The following DUSP28 variants were observed in gnomAD, a reference collection of about 807,000 sequenced individuals.
DUSP28 encodes the protein dual specificity phosphatase 28.
In DUSP28, 11 loss-of-function variants were observed where a neutral mutation model predicts 8.4. The ratio of observed to expected loss-of-function variants is 1.31; its 90% CI spans 0.83 to 2.17. The LOEUF is 2.17. Among genes scored for constraint, DUSP28 ranks in the 30% most tolerant of loss-of-function variants. DUSP28 has a pLI of 0.00. For missense variants in DUSP28, 373 were observed against 270.4 expected (o/e 1.38, Z -2.66); for synonymous variants, 178 against 130.9 (o/e 1.36, Z -2.46).
chr2:240,561,360 C>G lies in DUSP28; in HGVS notation c.424C>G (p.Pro142Ala). Residue 142 changes from proline (P) to alanine (A), a missense_variant, in exon 2 of 2, where the codon CCG (proline) becomes GCG (alanine). Physicochemically the swap from Pro to Ala is conservative, Grantham distance 27. Coordinates refer to ENST00000405954, the MANE Select transcript of DUSP28 (RefSeq NM_001370465.2). ...GAAGAGCGCTCGCCCGGTAGCAGAA[C>G]CGAACCCGGGCTTCTGGTCTCAGCT... is the stretch of plus-strand genomic sequence containing the variant. ...MVKSARPVAE[P>A]NPGFWSQLQK... The G allele has an allele frequency of 5.6e-6, 9 of 1,613,880 alleles. No individual in the cohort carries two copies. The highest frequency in any genetic ancestry group is 7.6e-6 in the Non-Finnish European group (9 of 1,180,038).
In DUSP28 at chr2:240,560,390, G is replaced by A. The variant is rs745629630; in HGVS notation, c.-295G>A. 1 of 276,668 alleles carries A rather than the reference G, an allele frequency of 3.6e-6. No homozygotes were observed. The highest frequency in any genetic ancestry group is 5.4e-5 in the Admixed American group (1 of 18,502). 17.1% of individuals were successfully genotyped at this position (276,668 alleles called of 1,614,324 possible). Reference sequence around the variant, plus strand: ...AAGCCCAGTGCCACAGGCCGCGGGGGCGGGGAGGACGGCGCCCGGGGACAG... The same window carrying A: ...AAGCCCAGTGCCACAGGCCGCGGGGACGGGGAGGACGGCGCCCGGGGACAG... On this transcript the variant is annotated 5_prime_UTR_variant, in exon 1 of 2. Coordinates refer to ENST00000405954, the MANE Select transcript of DUSP28 (RefSeq NM_001370465.2).
Position 240,563,448 on chromosome 2 carries a change from C to G in DUSP28, c.*1981C>G, listed in dbSNP as rs889671067. ...CAATCTCCTGACCTCATGATCCTCCCGCCTCGGCCTCCCAAAGCGCTGGGA... is the reference window on the plus strand; with the variant it reads ...CAATCTCCTGACCTCATGATCCTCCGGCCTCGGCCTCCCAAAGCGCTGGGA... On this transcript the variant is annotated 3_prime_UTR_variant, in exon 2 of 2. Transcript: ENST00000405954. 13 of 152,298 alleles carry G rather than the reference C, an allele frequency of 8.5e-5. No individual in the cohort carries two copies. Among genetic ancestry groups the G allele is most frequent in the African/African-American group, 3.1e-4 (13 of 41,428 alleles). 9.4% of individuals were successfully genotyped at this position (152,298 alleles called of 1,614,324 possible). A position where few individuals can be genotyped will look rare whatever the true frequency, so the allele number is the denominator to read the frequency against.
In DUSP28 at chr2:240,560,830, T is replaced by A. The variant is rs1466629159; in HGVS notation, c.146T>A (p.Val49Asp). The change falls in exon 1 of 2, where the codon GTC becomes GAC. Residue 49 changes from valine (V) to aspartate (D), a missense_variant. By Grantham distance (152) the Val-to-Asp change is radical (BLOSUM62 -3). Coordinates refer to ENST00000405954, the MANE Select transcript of DUSP28 (RefSeq NM_001370465.2). ...QLARAGVTLCVNVSRQQPGPR... is the reference protein window; with the variant it reads ...QLARAGVTLCDNVSRQQPGPR... Reference sequence around the variant, plus strand: ...GCGCGCGCGGGAGTCACGCTGTGCGTCAACGTCTCCCGCCAGCAGCCCGGC... The same window carrying A: ...GCGCGCGCGGGAGTCACGCTGTGCGACAACGTCTCCCGCCAGCAGCCCGGC... The A allele has an allele frequency of 2.0e-5, 28 of 1,417,046 alleles. No homozygotes were observed. The highest frequency in any genetic ancestry group is 2.5e-4 in the Middle Eastern group (1 of 4,046). 87.8% of individuals were successfully genotyped at this position (1,417,046 alleles called of 1,614,324 possible). A position where few individuals can be genotyped will look rare whatever the true frequency, so the allele number is the denominator to read the frequency against.
Position 240,561,591 on chromosome 2 carries a change from C to G in DUSP28, c.*124C>G. 2 of 1,254,754 alleles carry G rather than the reference C, an allele frequency of 1.6e-6. No homozygotes were observed. Among genetic ancestry groups the G allele is most frequent in the Non-Finnish European group, 2.1e-6 (2 of 954,458 alleles). The allele number at this position is 1,254,754 out of a possible 1,614,324, so 77.7% of individuals were successfully genotyped here. On this transcript the variant is annotated 3_prime_UTR_variant, in exon 2 of 2. Coordinates refer to ENST00000405954, the MANE Select transcript of DUSP28 (RefSeq NM_001370465.2). ...GTGTGTGTGTGTGTGAAACATAGTG[C>G]TTTTAATTTTATATTTCCGGCTGAG...
At position 240,561,077 on chromosome 2, in the gene DUSP28, G is replaced by T; in HGVS notation, c.393G>T (p.Gln131His). Residue 131 changes from glutamine (Q) to histidine (H), a missense_variant and splice_region_variant, in exon 1 of 2, where the codon CAG becomes CAT. Transcript: ENST00000405954. ...HRGLSLAKAF[Q>H]MVKSARPVAE... Reference sequence around the variant, plus strand: ...GCCTCAGCCTGGCGAAGGCCTTCCAGGTGGGCGGGCCTTTAGGGGGGCGGT... The same window carrying T: ...GCCTCAGCCTGGCGAAGGCCTTCCATGTGGGCGGGCCTTTAGGGGGGCGGT... 2 of 1,484,614 alleles carry T rather than the reference G, an allele frequency of 1.3e-6. No homozygotes were observed. Among genetic ancestry groups the T allele is most frequent in the Non-Finnish European group, 1.8e-6 (2 of 1,127,068 alleles). The allele number at this position is 1,484,614 out of a possible 1,614,324, so 92.0% of individuals were successfully genotyped here. A position where few individuals can be genotyped will look rare whatever the true frequency, so the allele number is the denominator to read the frequency against.
chr2:240,563,561 G>T lies in DUSP28; in HGVS notation c.*2094G>T, dbSNP rs147949603. On this transcript the variant is annotated 3_prime_UTR_variant, in exon 2 of 2. Coordinates refer to ENST00000405954, the MANE Select transcript of DUSP28 (RefSeq NM_001370465.2). Reference sequence around the variant, plus strand: ...AACAAGACCCAGTCAGGCCCTATTGGAACAGGGCTTTTACCACCTAGGCGG... The same window carrying T: ...AACAAGACCCAGTCAGGCCCTATTGTAACAGGGCTTTTACCACCTAGGCGG... 1 of 152,498 alleles carries T rather than the reference G, an allele frequency of 6.6e-6. No individual in the cohort carries two copies. The highest frequency in any genetic ancestry group is 1.5e-5 in the Non-Finnish European group (1 of 68,054). The allele number at this position is 152,498 out of a possible 1,614,324, so 9.4% of individuals were successfully genotyped here.
chr2:240,560,517 C>G lies in DUSP28; in HGVS notation c.-168C>G. 1 of 1,082,572 alleles carries G rather than the reference C, an allele frequency of 9.2e-7. No homozygotes were observed. Among genetic ancestry groups the G allele is most frequent in the East Asian group, 3.3e-5 (1 of 30,488 alleles). 67.1% of individuals were successfully genotyped at this position (1,082,572 alleles called of 1,614,324 possible). ...ACGAGACCCAAGCCCCCTGTCCCGG[C>G]CCAGCGCCCGCGGGGGACCCAAGCC... On this transcript the variant is annotated 5_prime_UTR_variant, in exon 1 of 2. Coordinates refer to ENST00000405954, the MANE Select transcript of DUSP28 (RefSeq NM_001370465.2).
At chr2:240,561,151 G>A (rs1472427685) in intron 1 of DUSP28, 74 bp downstream of exon 1, 19 of 1,461,636 alleles carry the variant, frequency 1.3e-5, no homozygotes, top group Non-Finnish European at 1.6e-5. Context: ...GGGCGGGGCC[G>A]GCTTCGGGAT....
rs772084662 is a variant in DUSP28, at chr2:240,561,660, G to C, written c.*193G>C. The stretch of plus-strand genomic sequence containing the variant: ...TACAGACACAAAAAGAAATACATTT[G>C]GTAAAACATCGAAGACAAATTAAGA... On this transcript the variant is annotated 3_prime_UTR_variant, in exon 2 of 2. Transcript: ENST00000405954. 62 of 792,642 alleles carry C rather than the reference G, an allele frequency of 7.8e-5. No homozygotes were observed. The highest frequency in any genetic ancestry group is 1.1e-4 in the Non-Finnish European group (61 of 537,254). 49.1% of individuals were successfully genotyped at this position (792,642 alleles called of 1,614,324 possible). A position where few individuals can be genotyped will look rare whatever the true frequency, so the allele number is the denominator to read the frequency against.
Position 240,561,022 on chromosome 2 carries a change from TCTGCACCGCGTACCTCATG to T in DUSP28, c.340_358del (p.Cys114GlyfsTer14). 6.5e-7 allele frequency: 1 copy of T among 1,537,024 alleles called. No individual in the cohort carries two copies. ...AACGGCCGCAGCCGCTCGGCCGCCG[TCTGCACCGCGTACCTCATG>T]CGGCACCGCGGCCTCAGCCTGGCGA... On this transcript the variant is annotated frameshift_variant, in exon 1 of 2. Transcript: ENST00000405954. LOFTEE classifies it high-confidence loss of function.
In DUSP28 at chr2:240,560,859, C is replaced by G; in HGVS notation, c.175C>G (p.Arg59Gly). The G allele has an allele frequency of 7.4e-7, 1 of 1,348,288 alleles. No individual in the cohort carries two copies. The highest frequency in any genetic ancestry group is 9.6e-7 in the Non-Finnish European group (1 of 1,043,450). The allele number at this position is 1,348,288 out of a possible 1,614,324, so 83.5% of individuals were successfully genotyped here. A position where few individuals can be genotyped will look rare whatever the true frequency, so the allele number is the denominator to read the frequency against. ...VNVSRQQPGP[R>G]APGVAELRVP... ...CGTCTCCCGCCAGCAGCCCGGCCCG[C>G]GCGCGCCCGGCGTGGCAGAGCTGCG... is the stretch of plus-strand genomic sequence containing the variant. The change falls in exon 1 of 2, where the codon CGC (arginine) becomes GGC (glycine). Residue 59 changes from arginine (R) to glycine (G), a missense_variant. Physicochemically the swap from Arg to Gly is moderately radical, Grantham distance 125 (BLOSUM62 -2). Coordinates refer to ENST00000405954, the MANE Select transcript of DUSP28 (RefSeq NM_001370465.2).
chr2:240,560,731 C>T lies in DUSP28; in HGVS notation c.47C>T (p.Pro16Leu), dbSNP rs781777697. The change falls in exon 1 of 2, where the codon CCT becomes CTT. Residue 16 changes from proline (P) to leucine (L), a missense_variant. By Grantham distance (98) the Pro-to-Leu change is moderately conservative (BLOSUM62 -3). Coordinates refer to ENST00000405954, the MANE Select transcript of DUSP28 (RefSeq NM_001370465.2). ...CGCCGCGGGGCCGCCTCGCCCGTAC[C>T]TCCACCGTTGGTGCGCGTCGCGCCC... ...AGRRGAASPVPPPLVRVAPSL... is the reference protein window; with the variant it reads ...AGRRGAASPVLPPLVRVAPSL... 5 of 1,521,796 alleles carry T rather than the reference C, an allele frequency of 3.3e-6. No homozygotes were observed. Among genetic ancestry groups the T allele is most frequent in the Non-Finnish European group, 4.4e-6 (5 of 1,146,838 alleles). The allele number at this position is 1,521,796 out of a possible 1,614,324, so 94.3% of individuals were successfully genotyped here.
chr2:240,560,501 A>G lies in DUSP28; in HGVS notation c.-184A>G. 1 of 934,224 alleles carries G rather than the reference A, an allele frequency of 1.1e-6. No individual in the cohort carries two copies. Among genetic ancestry groups the G allele is most frequent in the South Asian group, 3.2e-5 (1 of 31,692 alleles). The allele number at this position is 934,224 out of a possible 1,614,324, so 57.9% of individuals were successfully genotyped here. A position where few individuals can be genotyped will look rare whatever the true frequency, so the allele number is the denominator to read the frequency against. ...CCATGCCCCGGCCCCAACGAGACCC[A>G]AGCCCCCTGTCCCGGCCCAGCGCCC... On this transcript the variant is annotated 5_prime_UTR_variant, in exon 1 of 2. Transcript: ENST00000405954.
At position 240,560,786 on chromosome 2, in the gene DUSP28, G is replaced by GGGCGCGGAGGAGCAGCT. The variant is rs2092918299; in HGVS notation, c.109_125dup (p.Ala43ArgfsTer64). The stretch of plus-strand genomic sequence containing the variant: ...TCTTCCTCGGGAGCGCGCGAGCCGC[G>GGGCGCGGAGGAGCAGCT]GGCGCGGAGGAGCAGCTGGCGCGCG... On this transcript the variant is annotated frameshift_variant, in exon 1 of 2. Coordinates refer to ENST00000405954, the MANE Select transcript of DUSP28 (RefSeq NM_001370465.2). LOFTEE classifies it high-confidence loss of function. 6.9e-6 allele frequency: 10 copies of GGGCGCGGAGGAGCAGCT among 1,457,452 alleles called. No homozygotes were observed. In the South Asian group the frequency reaches 1.2e-4, roughly 18 times the overall value. 90.3% of individuals were successfully genotyped at this position (1,457,452 alleles called of 1,614,324 possible). A position where few individuals can be genotyped will look rare whatever the true frequency, so the allele number is the denominator to read the frequency against.
In DUSP28 at chr2:240,561,897, T is replaced by C. The variant is rs2092968087; in HGVS notation, c.*430T>C. On this transcript the variant is annotated 3_prime_UTR_variant, in exon 2 of 2. Coordinates refer to ENST00000405954, the MANE Select transcript of DUSP28 (RefSeq NM_001370465.2). Reference sequence around the variant, plus strand: ...CTAGTTCTTCCTGCGTGACCACGGATGCTTCTGTTTGAGAAAATGCATACC... The same window carrying C: ...CTAGTTCTTCCTGCGTGACCACGGACGCTTCTGTTTGAGAAAATGCATACC... 1 of 155,648 alleles carries C rather than the reference T, an allele frequency of 6.4e-6. No individual in the cohort carries two copies. The highest frequency in any genetic ancestry group is 2.4e-5 in the African/African-American group (1 of 41,458). The allele number at this position is 155,648 out of a possible 1,614,324, so 9.6% of individuals were successfully genotyped here.
chr2:240,560,911 A>T lies in DUSP28; in HGVS notation c.227A>T (p.Glu76Val). 1.3e-6 allele frequency: 2 copies of T among 1,533,746 alleles called. No individual in the cohort carries two copies. The highest frequency in any genetic ancestry group is 2.0e-5 in the Admixed American group (1 of 49,754). The change falls in exon 1 of 2, where the codon GAG (glutamate) becomes GTG (valine). Residue 76 changes from glutamate (E) to valine (V), a missense_variant. Glu to Val is a moderately radical substitution (Grantham distance 121). Transcript: ENST00000405954. ...GTGCCCGTGTTCGACGACCCGGCTG[A>T]GGACCTGCTGGCGCACCTGGAGCCC... is the stretch of plus-strand genomic sequence containing the variant. ...LRVPVFDDPA[E>V]DLLAHLEPTC...
rs563194368 is a variant in DUSP28 at position 240,563,695 on chromosome 2, G to C, written c.*2228G>C. The C allele has an allele frequency of 6.6e-6, 1 of 152,596 alleles. No individual in the cohort carries two copies. Among genetic ancestry groups the C allele is most frequent in the South Asian group, 2.1e-4 (1 of 4,834 alleles). The allele number at this position is 152,596 out of a possible 1,614,324, so 9.5% of individuals were successfully genotyped here. ...TCAGCTGTTTCTGGCAAAGCCTGCC[G>C]TGTCTTACATTTGTCTCTCTATCCG... On this transcript the variant is annotated 3_prime_UTR_variant, in exon 2 of 2. Coordinates refer to ENST00000405954, the MANE Select transcript of DUSP28 (RefSeq NM_001370465.2).
chr2:240,560,494 G>A lies in DUSP28; in HGVS notation c.-191G>A, dbSNP rs371757530. 2 of 862,650 alleles carry A rather than the reference G, an allele frequency of 2.3e-6. No homozygotes were observed. The highest frequency in any genetic ancestry group is 3.1e-6 in the Non-Finnish European group (2 of 637,850). The allele number at this position is 862,650 out of a possible 1,614,324, so 53.4% of individuals were successfully genotyped here. Reference sequence around the variant, plus strand: ...CCTCCCGCCATGCCCCGGCCCCAACGAGACCCAAGCCCCCTGTCCCGGCCC... The same window carrying A: ...CCTCCCGCCATGCCCCGGCCCCAACAAGACCCAAGCCCCCTGTCCCGGCCC... On this transcript the variant is annotated 5_prime_UTR_variant, in exon 1 of 2. Coordinates refer to ENST00000405954, the MANE Select transcript of DUSP28 (RefSeq NM_001370465.2).
rs2092997662 is a variant in DUSP28 at position 240,565,007 on chromosome 2, C to T, written c.*3540C>T. ...TCTCCCGCCGTGTGAGGGTGGAACC[C>T]CATAAGCCACCACTGGAGGCATCCA... On this transcript the variant is annotated 3_prime_UTR_variant, in exon 2 of 2. Transcript: ENST00000405954. Among the ~76,000 whole-genome samples, 1 of 152,206 alleles carries T rather than the reference C, an allele frequency of 6.6e-6. No individual in the cohort carries two copies. The highest frequency in any genetic ancestry group is 2.4e-5 in the African/African-American group (1 of 41,436).
Sources: allele counts gnomAD v4.1 joint callset (sites outside exome capture counted in the v4.1 genomes callset), GRCh38; gene constraint gnomAD v4.1.1; transcripts MANE v1.5; gene names NCBI Gene and HGNC (gene_info 2026-07-23, HGNC 2026-07-21).